GABRR1: variants seen among roughly 807,000 people sequenced by gnomAD.
GABRR1 encodes gamma-aminobutyric acid type A receptor subunit rho1.
GABRR1 carries 59 observed loss-of-function variants against 55.5 expected under a neutral mutation model. The observed-to-expected ratio is 1.06, with a 90% CI of 0.86 to 1.32. GABRR1 has a LOEUF of 1.32. Ranked by LOEUF, GABRR1 falls within the 40% of genes most tolerant of loss-of-function variation. The pLI, the probability that GABRR1 is intolerant of heterozygous loss-of-function variation, is 0.00. For synonymous variants in GABRR1, 213 were observed against 226.0 expected (o/e 0.94, Z 0.51); for missense variants, 602 against 619.1 (o/e 0.97, Z 0.29).
In GABRR1 at chr6:89,180,426, C is replaced by T. The variant is rs192148367; in HGVS notation, c.1012G>A (p.Val338Ile). The T allele has an allele frequency of 4.8e-5, 77 of 1,613,902 alleles. No individual in the cohort carries two copies. Among genetic ancestry groups the T allele is most frequent in the Admixed American group, 1.0e-4 (6 of 60,008 alleles). Residue 338 changes from valine to isoleucine, a missense_variant, in exon 9 of 10, where the codon GTC (valine) becomes ATC (isoleucine). Physicochemically the swap from Val to Ile is conservative, Grantham distance 29 (BLOSUM62 3). This residue lies in a region of GABRR1 where 28 missense variants were observed against 53.9 expected (regional missense o/e 0.52). Transcript: ENST00000454853. The part of the protein sequence containing the change: ...ITGVNASMPR[V>I]SYIKAVDIYL... ...ATGTCCACGGCCTTGATGTAGGAGA[C>T]GCGCGGCATGGAGGCATTCACGCCC...
chr6:89,215,148 C>A (rs1772946600), intron 1 of GABRR1, among the ~76,000 whole-genome samples: 1 of 152,190 alleles, frequency 6.6e-6, no homozygotes, highest in Non-Finnish European at 1.5e-5. Flanking sequence ...CCTCTAAAAA[C>A]TAAAAACAGA....
chr6:89,200,778 C>G (rs1015341944), intron 3 of GABRR1, among the ~76,000 whole-genome samples: 1 of 152,200 alleles, frequency 6.6e-6, no homozygotes, highest in African/African-American at 2.4e-5. Context: ...ACCCTGAACT[C>G]TGTCTGCCAG....
rs151055963 is a variant in GABRR1 at position 89,186,322 on chromosome 6, C to T, written c.656-872G>A. ...TAGATGTGACTAATATCTACAACCA[C>T]TGGACTTTAAAGGGGATTTTCCTGG... On this transcript the variant is annotated intron_variant, in intron 6 of 9. Coordinates refer to ENST00000454853, the MANE Select transcript of GABRR1 (RefSeq NM_002042.5). Among the ~76,000 whole-genome samples the T allele has an allele frequency of 3.2e-3, 491 of 152,284 alleles. 3 individuals carry two copies. The highest frequency in any genetic ancestry group is 0.02 in the Middle Eastern group (6 of 294).
At chr6:89,221,042 A>T (rs1295121912), upstream of GABRR1, among the ~76,000 whole-genome samples, 1 of 151,192 alleles carries the variant, frequency 6.6e-6, no homozygotes, top group Non-Finnish European at 1.5e-5. Flanking sequence ...TTTTGACAAA[A>T]CTCTTCTTTT....
chr6:89,196,822 G>GGAAAGAAGGAAAGAAA (rs1772292268), intron 5 of GABRR1, among the ~76,000 whole-genome samples: 1 of 91,124 alleles, frequency 1.1e-5, no homozygotes, highest in African/African-American at 4.2e-5. Flanking sequence ...AAGAAAAGAA[G>GGAAAGAAGGAAAGAAA]GAAAGAAAGA....
chr6:89,190,187 C>G lies in GABRR1; in HGVS notation c.633G>C (p.Thr211=), dbSNP rs766278571. 6.2e-7 allele frequency: 1 copy of G among 1,610,210 alleles called. No individual in the cohort carries two copies. Among genetic ancestry groups the G allele is most frequent in the South Asian group, 1.1e-5 (1 of 90,196 alleles). The part of the protein sequence containing the change: ...DFSRFPLDTQ[T]CSLEIESYAY... ...CACAGCTTTCAATTTCAAGAGAGCA[C>G]GTTTGTGTGTCCAAGGGAAATCGGC... Residue 211 remains threonine (T), a synonymous_variant, in exon 6 of 10, where the codon ACG becomes ACC. Coordinates refer to ENST00000454853, the MANE Select transcript of GABRR1 (RefSeq NM_002042.5).
chr6:89,229,822 T>G (rs1478461100), intron 1 of GABRR1, among the ~76,000 whole-genome samples: 1 of 123,262 alleles, frequency 8.1e-6, no homozygotes, highest in Admixed American at 8.5e-5. Context: ...CTTGCTAGAT[T>G]GGGGAAGTTC....
intron 1 of GABRR1, among the ~76,000 whole-genome samples, chr6:89,230,710 CTT>C (rs983511779): frequency 1.3e-4 from 19 of 151,470 alleles, no homozygotes; most frequent in South Asian, 4.2e-4. Flanking sequence ...TTACTGCTGT[CTT>C]TTTGTTTGTC....
In GABRR1 at chr6:89,185,571, T is replaced by C. The variant is rs1024170217; in HGVS notation, c.656-121A>G. 8.6e-5 allele frequency: 72 copies of C among 833,678 alleles called. No individual in the cohort carries two copies. In the East Asian group the frequency reaches 1.6e-3, roughly 19 times the overall value. The allele number at this position is 833,678 out of a possible 1,614,324, so 51.6% of individuals were successfully genotyped here. A position where few individuals can be genotyped will look rare whatever the true frequency, so the allele number is the denominator to read the frequency against. On this transcript the variant is annotated intron_variant, in intron 6 of 9. Coordinates refer to ENST00000454853, the MANE Select transcript of GABRR1 (RefSeq NM_002042.5). ...ACTACTGGGATTGTGATATGATAGT[T>C]TGAAAAACAAACCACAGTCTAAACA...
At chr6:89,199,829 G>C (rs966931207) in intron 3 of GABRR1, among the ~76,000 whole-genome samples, 2 of 152,160 alleles carry the variant, frequency 1.3e-5, no homozygotes, top group African/African-American at 4.8e-5. Context: ...GGCGTTGTTT[G>C]GTAATAGGAA....
intron 4 of GABRR1, among the ~76,000 whole-genome samples, chr6:89,198,609 G>A (rs755033997): frequency 1.5e-4 from 23 of 152,074 alleles, no homozygotes; most frequent in Admixed American, 4.6e-4. Context: ...AGAAGGCGGT[G>A]GATACATACC....
At chr6:89,180,153 C>G in intron 9 of GABRR1, 139 bp downstream of exon 9, 2 of 898,456 alleles carry the variant, frequency 2.2e-6, no homozygotes, top group Non-Finnish European at 3.2e-6. Context: ...TTTGTTTGCT[C>G]TTCACAACAA....
intron 1 of GABRR1, among the ~76,000 whole-genome samples, chr6:89,222,563 C>T (rs566104519): frequency 7.2e-5 from 11 of 152,316 alleles, no homozygotes; most frequent in African/African-American, 1.9e-4. Flanking sequence ...TGCATCTGCT[C>T]GTTTAATTCA....
Position 89,203,437 on chromosome 6 carries a change from G to A in GABRR1, c.171C>T (p.Val57=), listed in dbSNP as rs1271832206. 2 of 1,613,156 alleles carry A rather than the reference G, an allele frequency of 1.2e-6. No individual in the cohort carries two copies. Among genetic ancestry groups the A allele is most frequent in the African/African-American group, 1.3e-5 (1 of 75,022 alleles). The change falls in exon 2 of 10, where the codon GTC becomes GTT. Residue 57 remains valine (V), a splice_region_variant and synonymous_variant. Coordinates refer to ENST00000454853, the MANE Select transcript of GABRR1 (RefSeq NM_002042.5). ...TGTGCACGTGCTTATGGCCATACCTGACTTGCTTGTGGGCATCTTCATGTA... is the reference window on the plus strand; with the variant it reads ...TGTGCACGTGCTTATGGCCATACCTAACTTGCTTGTGGGCATCTTCATGTA... The part of the protein sequence containing the change: ...REVHEDAHKQ[V]SPILRRSPDI...
At chr6:89,198,922 A>C (rs893793888) in intron 4 of GABRR1, among the ~76,000 whole-genome samples, 1 of 151,634 alleles carries the variant, frequency 6.6e-6, no homozygotes, top group African/African-American at 2.4e-5. Context: ...ATATCCTGTA[A>C]GTCAAGGAGT....
rs1773183218 is a variant in GABRR1 at position 89,225,344 on chromosome 6, A to G, written c.-410-3898T>C. ...TTAGTTACATATGTATACATGTGCC[A>G]TGCTGGTGCGCTGCACCCACTAACT... On this transcript the variant is annotated intron_variant, in intron 1 of 11. Coordinates refer to the GABRR1 transcript ENST00000369451. Among the ~76,000 whole-genome samples, 2 of 141,306 alleles carry G rather than the reference A, an allele frequency of 1.4e-5. 1 individual carries two copies. Among genetic ancestry groups the G allele is most frequent in the South Asian group, 4.7e-4 (2 of 4,300 alleles). The allele number at this position is 141,306 out of a possible 152,430, so 92.7% of individuals were successfully genotyped here. A position where few individuals can be genotyped will look rare whatever the true frequency, so the allele number is the denominator to read the frequency against.
At chr6:89,205,086 T>TA (rs1772601032) in intron 1 of GABRR1, among the ~76,000 whole-genome samples, 2 of 152,336 alleles carry the variant, frequency 1.3e-5, no homozygotes, top group East Asian at 3.9e-4. Flanking sequence ...TAACTCCTGT[T>TA]GCATGTGTTA....
chr6:89,198,556 A>G (rs1772373692), intron 4 of GABRR1, among the ~76,000 whole-genome samples: 1 of 152,156 alleles, frequency 6.6e-6, no homozygotes, highest in Non-Finnish European at 1.5e-5. Flanking sequence ...CTCAAGCCAC[A>G]GATGCCAGAA....
At position 89,201,325 on chromosome 6, in the gene GABRR1, A is replaced by C. The variant is rs146300356; in HGVS notation, c.174-60T>G. ...TTCCAACCAAGACAAATAAACAGTA[A>C]CTTGCATTCTGACTTGATCTTGATA... is the stretch of plus-strand genomic sequence containing the variant. On this transcript the variant is annotated intron_variant, in intron 2 of 9. Transcript: ENST00000454853. The C allele has an allele frequency of 7.6e-4, 878 of 1,153,156 alleles. 1 individual carries two copies. The African/African-American group carries it at 0.01, about 13-fold the overall frequency. The allele number at this position is 1,153,156 out of a possible 1,614,324, so 71.4% of individuals were successfully genotyped here.
Sources: allele counts gnomAD v4.1 joint callset (sites outside exome capture counted in the v4.1 genomes callset), GRCh38; gene constraint gnomAD v4.1.1; regional missense constraint gnomAD v4.1.1; transcripts MANE v1.5; gene names NCBI Gene and HGNC (gene_info 2026-07-23, HGNC 2026-07-21).